Variants in GLI3 observed in about 807,000 individuals in gnomAD.
GLI3 encodes GLI family zinc finger 3.
GLI3 carries 20 observed loss-of-function variants against 100.8 expected under a neutral mutation model. The observed-to-expected ratio is 0.20, with a 90% confidence interval of 0.14 to 0.29. The LOEUF (loss-of-function observed/expected upper bound fraction) is 0.29, where lower values mean the gene tolerates loss of function less well. Among genes scored for constraint, GLI3 ranks in the 10% least tolerant of loss-of-function variants. GLI3 has a pLI of 1.00. For missense variants in GLI3, 2,040 were observed against 2,128.5 expected (o/e 0.96, Z 0.82); for synonymous variants, 938 against 860.5 (o/e 1.09, Z -1.58).
intron 2 of GLI3, among the ~76,000 whole-genome samples, chr7:42,167,334 A>G (rs575719195): frequency 4.6e-5 from 7 of 152,344 alleles, no homozygotes; most frequent in African/African-American, 1.7e-4. Context: ...CTCTCCCAGC[A>G]TTGATTTTCC....
At chr7:42,223,826 C>G (rs1216257864) in intron 1 of GLI3, among the ~76,000 whole-genome samples, 2 of 152,218 alleles carry the variant, frequency 1.3e-5, no homozygotes, top group African/African-American at 4.8e-5. Flanking sequence ...ATTTTTGCCT[C>G]TTTCATAAAG....
chr7:42,195,687 C>T (rs1787915110), intron 2 of GLI3, among the ~76,000 whole-genome samples: 1 of 152,158 alleles, frequency 6.6e-6, no homozygotes, highest in African/African-American at 2.4e-5. Flanking sequence ...CAAGCTTCAC[C>T]ACCAGACCAT....
intron 3 of GLI3, among the ~76,000 whole-genome samples, chr7:42,112,128 T>C (rs1488830634): frequency 6.6e-6 from 1 of 152,200 alleles, no homozygotes; most frequent in Non-Finnish European, 1.5e-5. Context: ...AGGAATTTCA[T>C]CTGCCGTCTA....
At chr7:42,005,699 G>A (rs550309491) in intron 10 of GLI3, among the ~76,000 whole-genome samples, 40 of 152,210 alleles carry the variant, frequency 2.6e-4, no homozygotes, top group African/African-American at 9.4e-4. Flanking sequence ...ACCACTGCCC[G>A]ACGTGGGAAG....
intron 2 of GLI3, among the ~76,000 whole-genome samples, chr7:42,220,863 G>C (rs1562791157): frequency 6.6e-6 from 1 of 152,092 alleles, no homozygotes; most frequent in Non-Finnish European, 1.5e-5. Flanking sequence ...AAATCTCTTA[G>C]AAGAAACAGG....
intron 9 of GLI3, among the ~76,000 whole-genome samples, chr7:42,024,637 T>C (rs1270992960): frequency 1.1e-4 from 16 of 152,138 alleles, no homozygotes; most frequent in Admixed American, 9.8e-4. Flanking sequence ...GATGATATTA[T>C]GGGTATAACC....
intron 7 of GLI3, among the ~76,000 whole-genome samples, chr7:42,028,867 G>A (rs35279759): frequency 0.038 from 5,841 of 152,120 alleles, 155 homozygotes; most frequent in Middle Eastern, 0.065. Flanking sequence ...CATTCCCACC[G>A]CAGTTTCCTA....
intron 1 of GLI3, among the ~76,000 whole-genome samples, chr7:42,249,823 G>T (rs935291888): frequency 6.6e-6 from 1 of 151,946 alleles, no homozygotes; most frequent in African/African-American, 2.4e-5. Flanking sequence ...GGCCAGGCAC[G>T]GTGGCTCACA....
At chr7:42,159,946 C>T (rs1787094143) in intron 2 of GLI3, among the ~76,000 whole-genome samples, 2 of 152,092 alleles carry the variant, frequency 1.3e-5, no homozygotes, top group Non-Finnish European at 2.9e-5. Context: ...CATCAACTGC[C>T]ATGTAGTATA....
At chr7:42,132,245 C>CGCCCACCACCACGCCT (rs1554332096) in intron 3 of GLI3, among the ~76,000 whole-genome samples, 1 of 145,488 alleles carries the variant, frequency 6.9e-6, no homozygotes, top group African/African-American at 2.7e-5. Flanking sequence ...GGACTACAGG[C>CGCCCACCACCACGCCT]GCCCGCCACT....
intron 4 of GLI3, among the ~76,000 whole-genome samples, chr7:42,049,203 C>G (rs1784305221): frequency 6.6e-6 from 1 of 152,204 alleles, no homozygotes; most frequent in South Asian, 2.1e-4. Flanking sequence ...GTCTGGAAGC[C>G]TGATCATGCA....
intron 2 of GLI3, among the ~76,000 whole-genome samples, chr7:42,176,846 A>G (rs1476100693): frequency 6.6e-6 from 1 of 152,186 alleles, no homozygotes; most frequent in Non-Finnish European, 1.5e-5. Flanking sequence ...AACCCAAGGA[A>G]GAGCACAGGA....
At chr7:42,183,728 C>T (rs1787663733) in intron 2 of GLI3, among the ~76,000 whole-genome samples, 1 of 152,178 alleles carries the variant, frequency 6.6e-6, no homozygotes, top group South Asian at 2.1e-4. Context: ...AACGATGAGT[C>T]ATCTTGGATT....
intron 2 of GLI3, among the ~76,000 whole-genome samples, chr7:42,202,463 C>G (rs1788064190): frequency 6.6e-6 from 1 of 151,916 alleles, no homozygotes; most frequent in African/African-American, 2.4e-5. Context: ...TGTAAGACAG[C>G]AATTCCACTA....
At chr7:42,002,247 T>TA (rs780217767) in intron 10 of GLI3, among the ~76,000 whole-genome samples, 1 of 152,230 alleles carries the variant, frequency 6.6e-6, no homozygotes, top group East Asian at 1.9e-4. Flanking sequence ...AGAGAATTGT[T>TA]AAAAAATAAA....
intron 3 of GLI3, among the ~76,000 whole-genome samples, chr7:42,112,812 ACTGTGC>A (rs1449402341): frequency 6.6e-6 from 1 of 152,066 alleles, no homozygotes; most frequent in African/African-American, 2.4e-5. Context: ...GCACCAGGAG[ACTGTGC>A]CCACATGAGA....
chr7:41,968,787 A>G (rs1180203355), intron 13 of GLI3, among the ~76,000 whole-genome samples: 1 of 149,544 alleles, frequency 6.7e-6, no homozygotes, highest in African/African-American at 2.5e-5. Context: ...AAAGAAAGAA[A>G]GAAAGAAAGA....
intron 7 of GLI3, among the ~76,000 whole-genome samples, chr7:42,031,256 T>C (rs1273077112): frequency 6.6e-6 from 1 of 152,362 alleles, no homozygotes; most frequent in African/African-American, 2.4e-5. Flanking sequence ...TAAATAACTA[T>C]ATGAAAGATG....
At chr7:42,122,830 T>C (rs538061001) in intron 3 of GLI3, among the ~76,000 whole-genome samples, 1 of 152,368 alleles carries the variant, frequency 6.6e-6, no homozygotes, top group Non-Finnish European at 1.5e-5. Flanking sequence ...AGCTTTCTGA[T>C]AATCAGATTT....
Sources: gnomAD v4.1 joint callset for allele counts (sites outside exome capture counted in the v4.1 genomes callset) on GRCh38, gnomAD v4.1.1 for gene constraint, MANE v1.5 for transcripts, NCBI Gene and HGNC (gene_info 2026-07-23, HGNC 2026-07-21) for gene names.